TRHDE: variants seen among roughly 807,000 people sequenced by gnomAD.
TRHDE encodes thyrotropin releasing hormone degrading enzyme.
A neutral mutation model predicts 125.7 loss-of-function variants in TRHDE; 72 were observed. The ratio of observed to expected loss-of-function variants is 0.57; its 90% CI spans 0.47 to 0.70. TRHDE has a LOEUF of 0.70. Among genes scored for constraint, TRHDE ranks in the 30% least tolerant of loss-of-function variants. The pLI is 0.00. For synonymous variants in TRHDE, 509 were observed against 509.1 expected (o/e 1.00, Z 0.00); for missense variants, 1,110 against 1,327.1 (o/e 0.84, Z 2.54).
At position 72,190,565 on chromosome 12, in the gene TRHDE, G is replaced by GT. The variant is rs200006777; in HGVS notation, n.279+84814dup. Among the ~76,000 whole-genome samples the GT allele has an allele frequency of 5.1e-3, 783 of 152,340 alleles. 4 individuals carry two copies. The highest frequency in any genetic ancestry group is 0.018 in the African/African-American group (729 of 41,570). On this transcript the variant is annotated intron_variant and non_coding_transcript_variant, in intron 2 of 4. Coordinates refer to the TRHDE transcript ENST00000548156. ...ACAATGGTTGGAAGATTGGTGGTAA[G>GT]TAAGTATGGGGAAGAAATATGTGAA...
intron 2 of TRHDE, among the ~76,000 whole-genome samples, chr12:72,322,605 A>G (rs575893359): frequency 1.3e-5 from 2 of 151,708 alleles, no homozygotes; most frequent in East Asian, 3.9e-4. Context: ...TATTTTCCAC[A>G]GGGACAATGA....
At chr12:72,160,004 A>T (rs1483788146) in intron 2 of TRHDE, among the ~76,000 whole-genome samples, 1 of 152,154 alleles carries the variant, frequency 6.6e-6, no homozygotes, top group African/African-American at 2.4e-5. Context: ...TTGTGAAATT[A>T]TCTCCTCCTA....
At chr12:72,531,382 G>A (rs1868541737) in intron 6 of TRHDE, among the ~76,000 whole-genome samples, 1 of 151,578 alleles carries the variant, frequency 6.6e-6, no homozygotes, top group South Asian at 2.1e-4. Context: ...TTGCATTCTG[G>A]ATACTAATCT....
chr12:72,380,814 CCTTA>C (rs1364844475), intron 3 of TRHDE, among the ~76,000 whole-genome samples: 2 of 137,924 alleles, frequency 1.5e-5, no homozygotes, highest in African/African-American at 2.7e-5. Flanking sequence ...TTCCTTCCTT[CCTTA>C]TTCCCTCCCT....
intron 2 of TRHDE, among the ~76,000 whole-genome samples, chr12:72,157,412 G>A (rs896119163): frequency 6.6e-6 from 1 of 152,120 alleles, no homozygotes; most frequent in Non-Finnish European, 1.5e-5. Context: ...GCAAATGTTC[G>A]AAGTACAAGG....
intron 1 of TRHDE, among the ~76,000 whole-genome samples, chr12:72,098,389 G>A (rs1189373933): frequency 6.6e-6 from 1 of 152,092 alleles, no homozygotes; most frequent in African/African-American, 2.4e-5. Context: ...TGACATTGAT[G>A]CAGTCAATCT....
At chr12:72,315,697 C>G (rs12426376) in intron 2 of TRHDE, among the ~76,000 whole-genome samples, 46,451 of 151,792 alleles carry the variant, frequency 0.31, 7,285 homozygotes, top group African/African-American at 0.38. Context: ...GCTGCCAGGA[C>G]GCCTGGGTGT....
chr12:72,248,795 T>C (rs950066479), intron 2 of TRHDE, among the ~76,000 whole-genome samples: 1 of 152,182 alleles, frequency 6.6e-6, no homozygotes, highest in Non-Finnish European at 1.5e-5. Flanking sequence ...AAGGTGCAAA[T>C]TCTTACAGTT....
At position 72,669,157 on chromosome 12, in the gene TRHDE, A is replaced by G. The variant is rs1184869894; in HGVS notation, c.*5962A>G. 1 of 151,804 alleles carries G rather than the reference A, an allele frequency of 6.6e-6. No individual in the cohort carries two copies. Among genetic ancestry groups the G allele is most frequent in the African/African-American group, 2.4e-5 (1 of 41,424 alleles). 9.4% of individuals were successfully genotyped at this position (151,804 alleles called of 1,614,324 possible). On this transcript the variant is annotated 3_prime_UTR_variant, in exon 19 of 19. Coordinates refer to ENST00000261180, the MANE Select transcript of TRHDE (RefSeq NM_013381.3). ...TGAAAAAAATAAGTGAAAAGACAGA[A>G]TAAATTGCAAAGGTTTTACGAGTGG...
chr12:72,621,817 C>A, intron 15 of TRHDE, 66 bp downstream of exon 15: 1 of 1,181,082 alleles, frequency 8.5e-7, no homozygotes, highest in East Asian at 2.7e-5. Flanking sequence ...TCAGTGGATG[C>A]ATTTCATTTA....
chr12:72,621,277 G>A, intron 14 of TRHDE, 72 bp downstream of exon 14: 1 of 950,262 alleles, frequency 1.1e-6, no homozygotes, highest in East Asian at 2.5e-5. Flanking sequence ...GTGCCATTGT[G>A]ACTTTAGCTG....
At chr12:72,320,681 G>T (rs999325788) in intron 2 of TRHDE, among the ~76,000 whole-genome samples, 1 of 151,772 alleles carries the variant, frequency 6.6e-6, no homozygotes, top group Non-Finnish European at 1.5e-5. Context: ...TGATAAAAAG[G>T]ATATATTTTT....
chr12:72,521,878 T>A (rs1868258106), intron 6 of TRHDE, among the ~76,000 whole-genome samples: 1 of 150,922 alleles, frequency 6.6e-6, no homozygotes, highest in Admixed American at 6.6e-5. Context: ...GAGTTTTAAG[T>A]GCTGTCTAAT....
chr12:72,595,286 A>G (rs1313656814), intron 12 of TRHDE, among the ~76,000 whole-genome samples: 1 of 152,046 alleles, frequency 6.6e-6, no homozygotes, highest in Non-Finnish European at 1.5e-5. Flanking sequence ...CATTTTCAAA[A>G]ATAAGCATTC....
intron 3 of TRHDE, among the ~76,000 whole-genome samples, chr12:72,382,176 A>G (rs1211663724): frequency 1.3e-5 from 2 of 152,222 alleles, no homozygotes; most frequent in African/African-American, 2.4e-5. Context: ...AAAGCATTTC[A>G]AAAAGTAAGT....
chr12:72,593,902 A>G (rs1458527983), intron 12 of TRHDE, among the ~76,000 whole-genome samples: 5 of 152,104 alleles, frequency 3.3e-5, no homozygotes, highest in African/African-American at 4.8e-5. Flanking sequence ...CATTTTCTTA[A>G]TCCAGTCTAT....
intron 2 of TRHDE, chr12:72,186,629 GA>G (rs1036945702): frequency 1.9e-5 from 3 of 154,398 alleles, no homozygotes; most frequent in African/African-American, 8.1e-5. Context: ...GCAAGGTAAG[GA>G]TTTTTTTTTT....
chr12:72,523,507 A>T (rs1868283274), intron 6 of TRHDE, among the ~76,000 whole-genome samples: 2 of 152,114 alleles, frequency 1.3e-5, no homozygotes, highest in African/African-American at 4.8e-5. Flanking sequence ...GGCATTGTTT[A>T]TTTTTACATA....
Position 72,250,837 on chromosome 12 carries a change from GATATATAT to G in TRHDE, n.280-127139_280-127132del, listed in dbSNP as rs376713479. Among the ~76,000 whole-genome samples the G allele has an allele frequency of 9.0e-3, 1,056 of 117,948 alleles. 12 individuals carry two copies. The highest frequency in any genetic ancestry group is 0.015 in the Middle Eastern group (3 of 196). 77.4% of individuals were successfully genotyped at this position (117,948 alleles called of 152,430 possible). On this transcript the variant is annotated intron_variant and non_coding_transcript_variant, in intron 2 of 4. Transcript: ENST00000548156. The stretch of plus-strand genomic sequence containing the variant: ...TGTGTAACTTTCAATATGACTTACA[GATATATAT>G]ATATATATATATATATATTTTATTT...
Sources: gnomAD v4.1 joint callset for allele counts (sites outside exome capture counted in the v4.1 genomes callset) on GRCh38, gnomAD v4.1.1 for gene constraint, MANE v1.5 for transcripts, NCBI Gene and HGNC (gene_info 2026-07-23, HGNC 2026-07-21) for gene names.